The following MTERF4 variants were observed in gnomAD, a reference collection of about 807,000 sequenced individuals.
MTERF4 encodes the protein mitochondrial transcription termination factor 4, also known as transcription termination factor 4, mitochondrial.
MTERF4 carries 17 observed loss-of-function variants against 22.5 expected under a neutral mutation model. The ratio of observed to expected loss-of-function variants is 0.75; its 90% CI spans 0.52 to 1.13. The LOEUF (loss-of-function observed/expected upper bound fraction) is 1.13, where lower values mean the gene tolerates loss of function less well. MTERF4 is among the 50% of genes most tolerant of loss of function. The pLI, the probability that MTERF4 is intolerant of heterozygous loss-of-function variation, is 0.00. For missense variants in MTERF4, 420 were observed against 466.8 expected, an observed-to-expected ratio of 0.90 and a Z score of 0.92; for synonymous variants, 165 against 175.3, an observed-to-expected ratio of 0.94 and a Z score of 0.47.
chr2:241,054,907 A>G, the MTERF4 span, among the ~76,000 whole-genome samples: 3 of 152,180 alleles, frequency 2.0e-5, no homozygotes, highest in Non-Finnish European at 4.4e-5. Flanking sequence ...ACCTGAGGTC[A>G]GGAGTTCGAG....
intron 4 of MTERF4, among the ~76,000 whole-genome samples, chr2:241,077,462 C>T (rs2063083898): frequency 6.6e-6 from 1 of 152,126 alleles, no homozygotes; most frequent in African/African-American, 2.4e-5. Flanking sequence ...TCAAAGGATG[C>T]CATCAAGGAA....
the MTERF4 span, chr2:241,050,034 T>G: frequency 3.6e-6 from 3 of 827,402 alleles, no homozygotes; most frequent in Non-Finnish European, 6.2e-6. Flanking sequence ...TTTCGCGAAT[T>G]GCTGACCTCG....
chr2:241,063,975 C>G, the MTERF4 span: 30 of 1,443,088 alleles, frequency 2.1e-5, no homozygotes, highest in East Asian at 3.5e-4. Flanking sequence ...CAGACTCCCC[C>G]CTTGCAGCTT....
chr2:241,077,399 A>G (rs1390502722), intron 4 of MTERF4, among the ~76,000 whole-genome samples: 3 of 152,172 alleles, frequency 2.0e-5, no homozygotes, highest in Non-Finnish European at 4.4e-5. Context: ...TATGAGCAAC[A>G]ACAAAAATCT....
At chr2:241,065,065 C>G in the MTERF4 span, 21 of 940,964 alleles carry the variant, frequency 2.2e-5, no homozygotes, top group Non-Finnish European at 3.3e-5. Flanking sequence ...TTGCCCAGGC[C>G]CCTTCCCTGA....
At chr2:241,080,157 G>A (rs546626799) in intron 4 of MTERF4, among the ~76,000 whole-genome samples, 75 of 152,138 alleles carry the variant, frequency 4.9e-4, no homozygotes, top group Non-Finnish European at 8.7e-4. Flanking sequence ...GGTGGTGCGC[G>A]CCTGTAGTAC....
At chr2:241,056,707 A>G in the MTERF4 span, among the ~76,000 whole-genome samples, 1 of 150,270 alleles carries the variant, frequency 6.7e-6, no homozygotes, top group African/African-American at 2.5e-5. Context: ...CAGCCTCCCG[A>G]GTAGCTGGGA....
At chr2:241,097,108 C>T (rs1300755412) in intron 3 of MTERF4, 135 bp downstream of exon 3, 6 of 1,070,824 alleles carry the variant, frequency 5.6e-6, no homozygotes, top group Middle Eastern at 4.1e-4. Flanking sequence ...ACCTTCACTA[C>T]ATTTGAAAAA....
chr2:241,063,198 C>G, the MTERF4 span, among the ~76,000 whole-genome samples: 1 of 152,216 alleles, frequency 6.6e-6, no homozygotes, highest in African/African-American at 2.4e-5. Context: ...GTCGGTGCTT[C>G]CAGCCAGTGG....
At chr2:241,046,124 C>G in the MTERF4 span, among the ~76,000 whole-genome samples, 3 of 152,166 alleles carry the variant, frequency 2.0e-5, no homozygotes, top group African/African-American at 7.2e-5. Flanking sequence ...GGAATCACAA[C>G]AAACTCATTA....
chr2:241,096,300 G>T lies in MTERF4; in HGVS notation c.844C>A (p.Gln282Lys). The T allele has an allele frequency of 6.2e-7, 1 of 1,614,174 alleles. No homozygotes were observed. The highest frequency in any genetic ancestry group is 1.1e-5 in the South Asian group (1 of 91,086). ...GRYQTPDKKG[Q>K]TQIPNPLLKD... ...AGCAATGGGTTAGGGATCTGTGTCT[G>T]CCCCTTCTTATCAGGGGTTTGGTAC... The change falls in exon 4 of 4, where the codon CAG becomes AAG. Residue 282 changes from glutamine (Q) to lysine (K), a missense_variant. By Grantham distance (53) the Gln-to-Lys change is moderately conservative. Coordinates refer to ENST00000391980, the MANE Select transcript of MTERF4 (RefSeq NM_182501.4). This position sits in a 1 kb window ranked among gnomAD's most constrained non-coding sequence, Gnocchi z 5.1.
chr2:241,095,763 A>G lies in MTERF4; in HGVS notation c.*235T>C. 1 of 615,466 alleles carries G rather than the reference A, an allele frequency of 1.6e-6. No individual in the cohort carries two copies. 38.1% of individuals were successfully genotyped at this position (615,466 alleles called of 1,614,324 possible). ...GCTCAACATAAGTATCTTATTCAGG[A>G]TGGGACAGGGCCCTCCCCACAGACA... On this transcript the variant is annotated 3_prime_UTR_variant, in exon 4 of 4. Coordinates refer to ENST00000391980, the MANE Select transcript of MTERF4 (RefSeq NM_182501.4).
At chr2:241,091,328 G>A (rs867537844), downstream of MTERF4, among the ~76,000 whole-genome samples, 25 of 152,320 alleles carry the variant, frequency 1.6e-4, no homozygotes, top group Middle Eastern at 3.4e-3. This position sits in a 1 kb window ranked among gnomAD's most constrained non-coding sequence, Gnocchi z 4.1. Context: ...CAGGGAAGAG[G>A]AACAGGCTGT....
the MTERF4 span, chr2:241,049,914 C>A: frequency 2.5e-5 from 40 of 1,613,502 alleles, no homozygotes; most frequent in Non-Finnish European, 3.2e-5. Flanking sequence ...GCGGGTTCCA[C>A]GGCAAGCACT....
downstream of MTERF4, chr2:241,071,505 C>T (rs2062715105): frequency 1.3e-5 from 19 of 1,516,144 alleles, no homozygotes; most frequent in Non-Finnish European, 1.7e-5. Flanking sequence ...GGGCACCACC[C>T]ATGCCACAGG....
At chr2:241,054,874 T>C in the MTERF4 span, among the ~76,000 whole-genome samples, 3 of 152,146 alleles carry the variant, frequency 2.0e-5, no homozygotes, top group Non-Finnish European at 4.4e-5. Context: ...CCCAGCACTT[T>C]GGGAGGCCGA....
chr2:241,076,019 G>A (rs2063004041), intron 4 of MTERF4, among the ~76,000 whole-genome samples: 1 of 152,140 alleles, frequency 6.6e-6, no homozygotes, highest in African/African-American at 2.4e-5. Context: ...ATACATCTGT[G>A]CCAATACTGC....
At chr2:241,061,006 T>C in the MTERF4 span, among the ~76,000 whole-genome samples, 1 of 152,100 alleles carries the variant, frequency 6.6e-6, no homozygotes. Context: ...TTTGGGGTAG[T>C]GAAAGACTCC....
the MTERF4 span, chr2:241,050,021 T>G: frequency 1.0e-6 from 1 of 979,326 alleles, no homozygotes. Flanking sequence ...GTCTCTCTCC[T>G]TGTTTCGCGA....
Sources: gnomAD v4.1 joint callset for allele counts (sites outside exome capture counted in the v4.1 genomes callset) on GRCh38, gnomAD v4.1.1 for gene constraint, Gnocchi (gnomAD v3.1) non-coding constraint, MANE v1.5 for transcripts, NCBI Gene and HGNC (gene_info 2026-07-23, HGNC 2026-07-21) for gene names.